Variants in WDR72 observed in about 807,000 individuals in gnomAD.
The protein encoded by WDR72 is WD repeat-containing protein 72.
In WDR72, 120 loss-of-function variants were observed where a neutral mutation model predicts 124.2. That is an observed-to-expected ratio of 0.97 (90% CI 0.83 to 1.12). The LOEUF is 1.12. Among genes scored for constraint, WDR72 ranks in the 50% most tolerant of loss-of-function variants. WDR72 has a pLI of 0.00. For synonymous variants in WDR72, 452 were observed against 441.7 expected (o/e 1.02, Z -0.29); for missense variants, 1,387 against 1,278.8 (o/e 1.08, Z -1.29).
At chr15:53,709,409 G>C (rs1474658443) in intron 9 of WDR72, among the ~76,000 whole-genome samples, 1 of 152,166 alleles carries the variant, frequency 6.6e-6, no homozygotes, top group African/African-American at 2.4e-5. Context: ...TTCACATTTT[G>C]AGAAACAAAG....
chr15:53,556,792 T>G (rs1044680805), intron 18 of WDR72, among the ~76,000 whole-genome samples: 2 of 152,150 alleles, frequency 1.3e-5, no homozygotes, highest in Non-Finnish European at 2.9e-5. Context: ...AAACCTTGCA[T>G]AAACCTGGTC....
In WDR72 at chr15:53,706,366, A is replaced by C; in HGVS notation, c.955-292T>G. On this transcript the variant is annotated intron_variant, in intron 9 of 19. Coordinates refer to ENST00000360509, the MANE Select transcript of WDR72 (RefSeq NM_182758.4). ...TGTGTGTGTGTATATATATATATAT[A>C]TATATATATATATATATATATATAT... is the stretch of plus-strand genomic sequence containing the variant. 4.0e-5 allele frequency among the ~76,000 whole-genome samples: 2 copies of C among 49,404 alleles called. 1 individual carries two copies. Among genetic ancestry groups the C allele is most frequent in the Middle Eastern group, 0.019 (2 of 108 alleles). 32.4% of individuals were successfully genotyped at this position (49,404 alleles called of 152,430 possible). A position where few individuals can be genotyped will look rare whatever the true frequency, so the allele number is the denominator to read the frequency against.
chr15:53,667,291 C>G (rs1262719775), intron 13 of WDR72, among the ~76,000 whole-genome samples: 6 of 152,084 alleles, frequency 3.9e-5, no homozygotes, highest in African/African-American at 1.2e-4. Flanking sequence ...AAGGTCAAGG[C>G]TACAGTGAGC....
At chr15:53,566,336 A>G (rs1366728824) in intron 18 of WDR72, among the ~76,000 whole-genome samples, 5 of 152,002 alleles carry the variant, frequency 3.3e-5, no homozygotes, top group African/African-American at 7.2e-5. Context: ...GATGCAGAGA[A>G]GTTGATACAT....
At chr15:53,606,711 T>G (rs1224817376) in intron 17 of WDR72, among the ~76,000 whole-genome samples, 1 of 152,166 alleles carries the variant, frequency 6.6e-6, no homozygotes, top group Non-Finnish European at 1.5e-5. Flanking sequence ...AGCAAAGACC[T>G]AAATGATTAA....
chr15:53,647,642 A>T (rs1023668781), intron 14 of WDR72, among the ~76,000 whole-genome samples: 1 of 152,034 alleles, frequency 6.6e-6, no homozygotes, highest in African/African-American at 2.4e-5. Context: ...CTTCTGCTTC[A>T]TTAGCTCTGT....
At chr15:53,691,390 C>G (rs1291605777) in intron 13 of WDR72, among the ~76,000 whole-genome samples, 1 of 152,126 alleles carries the variant, frequency 6.6e-6, no homozygotes, top group Non-Finnish European at 1.5e-5. Flanking sequence ...TCTTTTGTTG[C>G]TGTGCCATAA....
At chr15:53,743,161 A>G (rs1392104872) in intron 1 of WDR72, among the ~76,000 whole-genome samples, 1 of 152,160 alleles carries the variant, frequency 6.6e-6, no homozygotes, top group African/African-American at 2.4e-5. Context: ...TTATGTATGT[A>G]TACAATTTTG....
chr15:53,685,959 T>C (rs925876270), intron 13 of WDR72, among the ~76,000 whole-genome samples: 15 of 143,484 alleles, frequency 1.0e-4, no homozygotes, highest in Non-Finnish European at 1.8e-4. Flanking sequence ...CCAGCCAAAC[T>C]AAGCTTCATA....
rs79456855 is a variant in WDR72 at position 53,748,160 on chromosome 15, T to C, written c.-13+11473A>G. On this transcript the variant is annotated intron_variant, in intron 1 of 19. Coordinates refer to ENST00000360509, the MANE Select transcript of WDR72 (RefSeq NM_182758.4). ...ATCCTTGCCCTCAAAATATTTACCA[T>C]GGAGTCATCTTTGGATTAATTTTAA... Among the ~76,000 whole-genome samples the C allele has an allele frequency of 8.5e-3, 1,289 of 152,218 alleles. 30 individuals are homozygous for C. Among genetic ancestry groups the C allele is most frequent in the African/African-American group, 0.03 (1,234 of 41,530 alleles).
intron 13 of WDR72, among the ~76,000 whole-genome samples, chr15:53,667,562 T>C (rs1290719038): frequency 6.6e-6 from 1 of 152,160 alleles, no homozygotes; most frequent in Admixed American, 6.5e-5. Flanking sequence ...AGGAAAAGCT[T>C]CACAAACCAA....
At chr15:53,756,394 T>A (rs1213828579) in intron 1 of WDR72, among the ~76,000 whole-genome samples, 1 of 152,106 alleles carries the variant, frequency 6.6e-6, no homozygotes, top group Non-Finnish European at 1.5e-5. Flanking sequence ...AATTACCCAG[T>A]CTTAGAGCAG....
chr15:53,656,718 T>C (rs1011337326), intron 14 of WDR72, among the ~76,000 whole-genome samples: 3 of 152,088 alleles, frequency 2.0e-5, no homozygotes, highest in Admixed American at 2.0e-4. Flanking sequence ...CAAACATCAT[T>C]TTTTTCCAGA....
intron 3 of WDR72, among the ~76,000 whole-genome samples, chr15:53,720,627 C>T (rs1383561950): frequency 6.6e-6 from 1 of 152,160 alleles, no homozygotes; most frequent in African/African-American, 2.4e-5. Context: ...CAGATATTTT[C>T]TGTCCACTTT....
At chr15:53,743,671 T>C (rs2018567537) in intron 1 of WDR72, among the ~76,000 whole-genome samples, 1 of 152,206 alleles carries the variant, frequency 6.6e-6, no homozygotes, top group Non-Finnish European at 1.5e-5. Context: ...GATAGCTTGA[T>C]ATTCCACATA....
intron 9 of WDR72, among the ~76,000 whole-genome samples, chr15:53,709,146 T>C (rs2017465422): frequency 6.6e-6 from 1 of 152,210 alleles, no homozygotes; most frequent in Non-Finnish European, 1.5e-5. Context: ...AATGCCTTCA[T>C]TACTTGGTAA....
chr15:53,597,247 A>T lies in WDR72; in HGVS notation c.2980T>A (p.Leu994Met), dbSNP rs775373500. The change falls in exon 18 of 20, where the codon TTG (leucine) becomes ATG (methionine). Residue 994 changes from leucine to methionine, a missense_variant. Physicochemically the swap from Leu to Met is conservative, Grantham distance 15. Transcript: ENST00000360509. ...TTCATGTGTTGTTGAACTTCCGCCA[A>T]GAGAACAGCTTGTATTGCTTCAGTT... ...QVTEAIQAVL[L>M]AEVQQHMKSL... is the part of the protein sequence containing the mutation. 5 of 1,613,710 alleles carry T rather than the reference A, an allele frequency of 3.1e-6. No homozygotes were observed. The East Asian group carries it at 1.1e-4, about 36-fold the overall frequency.
At chr15:53,576,722 G>A (rs2011633851) in intron 18 of WDR72, among the ~76,000 whole-genome samples, 1 of 152,056 alleles carries the variant, frequency 6.6e-6, no homozygotes, top group Non-Finnish European at 1.5e-5. Flanking sequence ...CAGGCTTGGT[G>A]GATACTGAGA....
chr15:53,744,241 A>G (rs2018586130), intron 1 of WDR72, among the ~76,000 whole-genome samples: 1 of 152,234 alleles, frequency 6.6e-6, no homozygotes, highest in African/African-American at 2.4e-5. Context: ...AACCTGGTGT[A>G]TACGAAAATA....
Sources: gnomAD v4.1 joint callset for allele counts (sites outside exome capture counted in the v4.1 genomes callset) on GRCh38, gnomAD v4.1.1 for gene constraint, MANE v1.5 for transcripts, NCBI Gene and HGNC (gene_info 2026-07-23, HGNC 2026-07-21) for gene names.